The following KAT2B variants were observed in gnomAD, a reference collection of about 807,000 sequenced individuals.
KAT2B encodes lysine acetyltransferase 2B.
KAT2B carries 36 observed loss-of-function variants against 105.9 expected under a neutral mutation model. That is an observed-to-expected ratio of 0.34 (90% CI 0.26 to 0.45). KAT2B has a LOEUF of 0.45. Among genes scored for constraint, KAT2B ranks in the 20% least tolerant of loss-of-function variants. KAT2B has a pLI of 1.00. For synonymous variants in KAT2B, 397 were observed against 377.9 expected (o/e 1.05, Z -0.59); for missense variants, 820 against 1,021.6 (o/e 0.80, Z 2.69).
At chr3:20,140,959 C>T (rs1210444553) in intron 13 of KAT2B, among the ~76,000 whole-genome samples, 3 of 152,130 alleles carry the variant, frequency 2.0e-5, no homozygotes, top group Non-Finnish European at 2.9e-5. Flanking sequence ...GCATTCTGGC[C>T]TCAATTATTG....
intron 1 of KAT2B, among the ~76,000 whole-genome samples, chr3:20,044,356 G>T (rs1697768922): frequency 6.6e-6 from 1 of 151,810 alleles, no homozygotes; most frequent in Non-Finnish European, 1.5e-5. Context: ...GGCAGAGGTT[G>T]CAGTGAGCTG....
intron 17 of KAT2B, among the ~76,000 whole-genome samples, chr3:20,150,939 T>TA (rs1699859326): frequency 6.6e-6 from 1 of 152,204 alleles, no homozygotes; most frequent in African/African-American, 2.4e-5. Flanking sequence ...TTGGGCAGCA[T>TA]ATCTTAAGTG....
At chr3:20,149,949 G>A (rs939694530) in intron 17 of KAT2B, among the ~76,000 whole-genome samples, 5 of 152,164 alleles carry the variant, frequency 3.3e-5, no homozygotes, top group Non-Finnish European at 5.9e-5. Context: ...GTGACTTTGG[G>A]GCCCTTTCAG....
At chr3:20,081,030 G>A (rs1037234350) in intron 2 of KAT2B, among the ~76,000 whole-genome samples, 1 of 151,962 alleles carries the variant, frequency 6.6e-6, no homozygotes, top group Non-Finnish European at 1.5e-5. Flanking sequence ...TTCCAGATCT[G>A]AGATTACAGA....
At chr3:20,104,738 G>T (rs1034455050) in intron 5 of KAT2B, among the ~76,000 whole-genome samples, 58 of 152,120 alleles carry the variant, frequency 3.8e-4, no homozygotes, top group African/African-American at 1.3e-3. Flanking sequence ...GGAAAAGACT[G>T]GACTTAGAAA....
rs1330347835 is a variant in KAT2B, at chr3:20,153,309, G to C, written c.*784G>C. 1.3e-5 allele frequency: 2 copies of C among 152,020 alleles called. No individual in the cohort carries two copies. Among genetic ancestry groups the C allele is most frequent in the East Asian group, 3.8e-4 (2 of 5,198 alleles). 9.4% of individuals were successfully genotyped at this position (152,020 alleles called of 1,614,324 possible). A position where few individuals can be genotyped will look rare whatever the true frequency, so the allele number is the denominator to read the frequency against. The stretch of plus-strand genomic sequence containing the variant: ...ATAAGTTCCAAAAGATAATTTCCCT[G>C]CCCACAAAGGCATAAACTTGAAAAC... On this transcript the variant is annotated 3_prime_UTR_variant, in exon 18 of 18. Transcript: ENST00000263754.
At chr3:20,145,762 C>G (rs2125196351) in intron 13 of KAT2B, among the ~76,000 whole-genome samples, 1 of 152,180 alleles carries the variant, frequency 6.6e-6, no homozygotes, top group East Asian at 1.9e-4. Context: ...TCATGACAGC[C>G]TACTATTATA....
intron 3 of KAT2B, among the ~76,000 whole-genome samples, chr3:20,095,919 G>C (rs1335756137): frequency 6.6e-6 from 1 of 152,182 alleles, no homozygotes; most frequent in Non-Finnish European, 1.5e-5. Flanking sequence ...AGGTCAGTTA[G>C]GATAGCCTCT....
intron 2 of KAT2B, among the ~76,000 whole-genome samples, chr3:20,079,493 C>T (rs1469694791): frequency 2.6e-5 from 4 of 152,050 alleles, no homozygotes; most frequent in Admixed American, 6.6e-5. Context: ...CGTGAGCCAC[C>T]GCTTCTGGCC....
rs147558849 is a variant in KAT2B at position 20,086,743 on chromosome 3, C to A, written c.431-8520C>A. On this transcript the variant is annotated intron_variant, in intron 2 of 17. Coordinates refer to ENST00000263754, the MANE Select transcript of KAT2B (RefSeq NM_003884.5). ...TGGCCTCTACCTCTCTAATTTTAAGCCCTTTAAACTGTCTTCCTCTAGGAC... is the reference window on the plus strand; with the variant it reads ...TGGCCTCTACCTCTCTAATTTTAAGACCTTTAAACTGTCTTCCTCTAGGAC... Among the ~76,000 whole-genome samples, 368 of 152,150 alleles carry A rather than the reference C, an allele frequency of 2.4e-3. 1 individual carries two copies. The highest frequency in any genetic ancestry group is 8.5e-3 in the African/African-American group (354 of 41,490).
At position 20,122,662 on chromosome 3, in the gene KAT2B, T is replaced by C. The variant is rs1699330914; in HGVS notation, c.1277-6T>C. The C allele has an allele frequency of 1.9e-6, 3 of 1,611,684 alleles. No individual in the cohort carries two copies. Among genetic ancestry groups the C allele is most frequent in the Non-Finnish European group, 1.7e-6 (2 of 1,178,436 alleles). On this transcript the variant is annotated splice_polypyrimidine_tract_variant and splice_region_variant and intron_variant, in intron 8 of 17. Transcript: ENST00000263754. ...CATTGTTTGCCTTTTATTTTGATCA[T>C]CATAGGAGAAAAGAGGAAAATGACT...
At chr3:20,115,266 G>A (rs1351406806) in intron 7 of KAT2B, among the ~76,000 whole-genome samples, 1 of 152,208 alleles carries the variant, frequency 6.6e-6, no homozygotes, top group Non-Finnish European at 1.5e-5. Context: ...GCAGTCTTGA[G>A]TCTCAGGATG....
At chr3:20,132,988 A>G (rs894714533) in intron 11 of KAT2B, among the ~76,000 whole-genome samples, 4 of 152,230 alleles carry the variant, frequency 2.6e-5, no homozygotes, top group African/African-American at 2.4e-5. Context: ...TGCACATGCA[A>G]TTCACTCCAA....
At chr3:20,065,079 A>T (rs1035671864) in intron 1 of KAT2B, among the ~76,000 whole-genome samples, 1 of 152,142 alleles carries the variant, frequency 6.6e-6, no homozygotes, top group African/African-American at 2.4e-5. Context: ...GTTTCTGCAT[A>T]CTATAACAAC....
intron 2 of KAT2B, among the ~76,000 whole-genome samples, chr3:20,090,952 A>G (rs549273649): frequency 1.3e-5 from 2 of 151,896 alleles, no homozygotes; most frequent in African/African-American, 4.8e-5. Context: ...GGGTCTCACT[A>G]TGTTGTGCAG....
At chr3:20,118,393 G>A (rs1354674231) in intron 7 of KAT2B, among the ~76,000 whole-genome samples, 3 of 148,316 alleles carry the variant, frequency 2.0e-5, no homozygotes, top group Non-Finnish European at 4.5e-5. Flanking sequence ...AAACTTAGGG[G>A]AAGAGTAGAG....
chr3:20,066,057 A>G (rs1698218089), intron 1 of KAT2B, among the ~76,000 whole-genome samples: 1 of 152,066 alleles, frequency 6.6e-6, no homozygotes, highest in African/African-American at 2.4e-5. Context: ...TGAGATCAAG[A>G]TGTCATCTGG....
Position 20,152,439 on chromosome 3 carries a change from C to A in KAT2B, c.2413C>A (p.Pro805Thr), listed in dbSNP as rs1450977489. 6.2e-7 allele frequency: 1 copy of A among 1,613,298 alleles called. No individual in the cohort carries two copies. The highest frequency in any genetic ancestry group is 8.5e-7 in the Non-Finnish European group (1 of 1,179,510). The change falls in exon 18 of 18, where the codon CCT becomes ACT. Residue 805 changes from proline (P) to threonine (T), a missense_variant. This residue lies in a region of KAT2B where 227 missense variants were observed against 292.9 expected (regional missense o/e 0.77). Transcript: ENST00000263754. Reference protein sequence around the residue: ...VFTNCKEYNPPESEYYKCANI... With the variant: ...VFTNCKEYNPTESEYYKCANI... The stretch of plus-strand genomic sequence containing the variant: ...TACCAATTGCAAAGAGTACAACCCC[C>A]CTGAGAGTGAATACTACAAATGTGC...
rs1026496046 is a variant in KAT2B, at chr3:20,152,310, A to G, written c.2306-22A>G. On this transcript the variant is annotated intron_variant, in intron 17 of 17. Transcript: ENST00000263754. ...TGTTTAAAGGGAGTCAAAGATTGCT[A>G]ATATTTTTTTTTCCTGTGCAGATCT... 9.5e-6 allele frequency: 15 copies of G among 1,583,200 alleles called. No homozygotes were observed. In the Admixed American group the frequency reaches 1.0e-4, roughly 11 times the overall value.
Sources: gnomAD v4.1 joint callset for allele counts (sites outside exome capture counted in the v4.1 genomes callset) on GRCh38, gnomAD v4.1.1 for gene constraint, gnomAD v4.1.1 regional missense constraint, MANE v1.5 for transcripts, NCBI Gene and HGNC (gene_info 2026-07-23, HGNC 2026-07-21) for gene names.